The following TRHDE variants were observed in gnomAD, a reference collection of about 807,000 sequenced individuals.
TRHDE encodes the protein thyrotropin-releasing hormone-degrading ectoenzyme.
Under a neutral mutation model 125.7 loss-of-function variants are expected in TRHDE, and 72 were observed. The ratio of observed to expected loss-of-function variants is 0.57; its 90% CI spans 0.47 to 0.70. The LOEUF is 0.70. Among genes scored for constraint, TRHDE ranks in the 30% least tolerant of loss-of-function variants. The pLI, the probability that TRHDE is intolerant of heterozygous loss-of-function variation, is 0.00. For synonymous variants in TRHDE, 509 were observed against 509.1 expected (o/e 1.00, Z 0.00); for missense variants, 1,110 against 1,327.1 (o/e 0.84, Z 2.54).
intron 3 of TRHDE, among the ~76,000 whole-genome samples, chr12:72,428,664 A>G (rs1874292253): frequency 6.6e-6 from 1 of 152,118 alleles, no homozygotes; most frequent in Non-Finnish European, 1.5e-5. Flanking sequence ...AGATTGTACA[A>G]TCAAATGATT....
intron 18 of TRHDE, among the ~76,000 whole-genome samples, chr12:72,662,801 A>G (rs1393288008): frequency 1.3e-5 from 2 of 152,156 alleles, no homozygotes; most frequent in East Asian, 1.9e-4. Flanking sequence ...GGAGCTATTT[A>G]AGTTGTAATG....
intron 3 of TRHDE, among the ~76,000 whole-genome samples, chr12:72,432,344 A>T (rs1196448736): frequency 6.6e-6 from 1 of 152,174 alleles, no homozygotes; most frequent in African/African-American, 2.4e-5. Flanking sequence ...TGGAGCCAAC[A>T]CAACCTGTAG....
intron 2 of TRHDE, among the ~76,000 whole-genome samples, chr12:72,158,123 G>A (rs147401621): frequency 6.6e-6 from 1 of 152,274 alleles, no homozygotes; most frequent in East Asian, 1.9e-4. Flanking sequence ...GGTAGGAGAT[G>A]TCAATGAAAG....
chr12:72,638,643 C>T (rs565477213), intron 15 of TRHDE, among the ~76,000 whole-genome samples: 66 of 152,010 alleles, frequency 4.3e-4, no homozygotes, highest in South Asian at 1.0e-3. Flanking sequence ...CGGCTGGTAC[C>T]GGTCGTTCCA....
intron 12 of TRHDE, among the ~76,000 whole-genome samples, chr12:72,609,533 T>C (rs958426070): frequency 6.6e-6 from 1 of 152,166 alleles, no homozygotes; most frequent in Admixed American, 6.5e-5. Flanking sequence ...CATAGAGATT[T>C]GTTTTACAGA....
chr12:72,475,438 T>C (rs535102120), intron 5 of TRHDE, among the ~76,000 whole-genome samples: 3 of 152,310 alleles, frequency 2.0e-5, no homozygotes, highest in African/African-American at 7.2e-5. Context: ...GCATCTTAGA[T>C]TTAAAAGTAG....
chr12:72,227,197 C>CT (rs1878145979), intron 2 of TRHDE, among the ~76,000 whole-genome samples: 1 of 152,082 alleles, frequency 6.6e-6, no homozygotes, highest in Admixed American at 6.5e-5. Flanking sequence ...GTGTATTAGT[C>CT]TTTTCTCATG....
At chr12:72,271,994 C>T (rs1592509154), upstream of TRHDE, 1 of 456,786 alleles carries the variant, frequency 2.2e-6, no homozygotes, top group Non-Finnish European at 4.4e-6. Context: ...GGATCTCCGT[C>T]GTAGCTTCGC....
At chr12:72,514,056 C>G (rs1175767700) in intron 6 of TRHDE, among the ~76,000 whole-genome samples, 1 of 152,084 alleles carries the variant, frequency 6.6e-6, no homozygotes, top group East Asian at 1.9e-4. Context: ...CACTGTGAAC[C>G]TCAGGCCAGG....
chr12:72,609,307 A>T (rs114671577), intron 12 of TRHDE, among the ~76,000 whole-genome samples: 146 of 152,362 alleles, frequency 9.6e-4, no homozygotes, highest in African/African-American at 3.4e-3. Flanking sequence ...AAACATGTAT[A>T]TAACCACAAT....
At chr12:72,552,296 A>G (rs888660873) in intron 7 of TRHDE, among the ~76,000 whole-genome samples, 3 of 152,176 alleles carry the variant, frequency 2.0e-5, no homozygotes, top group African/African-American at 7.2e-5. Flanking sequence ...CAAGGCTTAA[A>G]TGGTTCATAG....
chr12:72,141,799 G>C (rs1298985296), intron 2 of TRHDE, among the ~76,000 whole-genome samples: 1 of 152,210 alleles, frequency 6.6e-6, no homozygotes, highest in Admixed American at 6.5e-5. Context: ...AAATTAGAGT[G>C]GGGGTATTGT....
intron 2 of TRHDE, among the ~76,000 whole-genome samples, chr12:72,178,444 G>T (rs150144529): frequency 2.6e-5 from 4 of 152,106 alleles, no homozygotes; most frequent in East Asian, 1.9e-4. Flanking sequence ...AAAATCTTGC[G>T]CAATAGACCA....
intron 2 of TRHDE, among the ~76,000 whole-genome samples, chr12:72,200,252 G>C (rs1052125066): frequency 1.3e-5 from 2 of 152,208 alleles, no homozygotes; most frequent in African/African-American, 4.8e-5. Context: ...GTGTAGTATA[G>C]TAAGGATTGT....
intron 2 of TRHDE, among the ~76,000 whole-genome samples, chr12:72,206,258 C>G (rs1043364900): frequency 1.3e-5 from 2 of 151,668 alleles, no homozygotes; most frequent in Admixed American, 6.6e-5. Flanking sequence ...CCTTCAAGTA[C>G]TTTTTTGTAT....
rs907412298 is a variant in TRHDE at position 72,126,150 on chromosome 12, AC to A, written n.279+20400del. On this transcript the variant is annotated intron_variant and non_coding_transcript_variant, in intron 2 of 4. Transcript: ENST00000548156. Reference sequence around the variant, plus strand: ...ACAAAAATACCTGGGAATACATCTAACCAAGGAGGTGAAAGATCTCTACAAG... The same window carrying A: ...ACAAAAATACCTGGGAATACATCTAACAAGGAGGTGAAAGATCTCTACAAG... Among the ~76,000 whole-genome samples the A allele has an allele frequency of 1.3e-3, 191 of 152,322 alleles. 2 individuals are homozygous for A. The highest frequency in any genetic ancestry group is 4.3e-3 in the African/African-American group (178 of 41,570).
intron 12 of TRHDE, among the ~76,000 whole-genome samples, chr12:72,600,150 A>G (rs1436405462): frequency 6.6e-6 from 1 of 151,364 alleles, no homozygotes; most frequent in Non-Finnish European, 1.5e-5. Flanking sequence ...ACTTACTTAG[A>G]TTTGGTCTTA....
At chr12:72,254,567 C>T (rs1253925915) in intron 2 of TRHDE, 1 of 152,120 alleles carries the variant, frequency 6.6e-6, no homozygotes, top group Admixed American at 6.6e-5. Context: ...TTCTTCAAAC[C>T]TTTAACACCT....
At chr12:72,213,350 A>G (rs1877822624) in intron 2 of TRHDE, among the ~76,000 whole-genome samples, 1 of 152,154 alleles carries the variant, frequency 6.6e-6, no homozygotes, top group Non-Finnish European at 1.5e-5. Flanking sequence ...CTGCAAATGA[A>G]TTATATATCA....
Sources: gnomAD v4.1 joint callset for allele counts (sites outside exome capture counted in the v4.1 genomes callset) on GRCh38, gnomAD v4.1.1 for gene constraint, MANE v1.5 for transcripts, NCBI Gene and HGNC (gene_info 2026-07-23, HGNC 2026-07-21) for gene names.